The following RTN4RL1 variants were observed in gnomAD, a reference collection of about 807,000 sequenced individuals.
RTN4RL1 encodes the protein reticulon-4 receptor-like 1.
Under a neutral mutation model 25.6 loss-of-function variants are expected in RTN4RL1, and 7 were observed. The ratio of observed to expected loss-of-function variants is 0.27; its 90% CI spans 0.16 to 0.51. The LOEUF is 0.51. Among genes scored for constraint, RTN4RL1 ranks in the 20% least tolerant of loss-of-function variants. The pLI, the probability that RTN4RL1 is intolerant of heterozygous loss-of-function variation, is 0.97. For synonymous variants in RTN4RL1, 297 were observed against 288.2 expected (o/e 1.03, Z -0.31); for missense variants, 500 against 615.6 (o/e 0.81, Z 1.99).
intron 1 of RTN4RL1, among the ~76,000 whole-genome samples, chr17:1,941,040 G>A (rs1915428275): frequency 6.6e-6 from 1 of 152,188 alleles, no homozygotes; most frequent in African/African-American, 2.4e-5. Flanking sequence ...CATTTGCACA[G>A]CTTACTGGAG....
chr17:1,947,649 G>C (rs1915584199), intron 1 of RTN4RL1, among the ~76,000 whole-genome samples: 1 of 152,224 alleles, frequency 6.6e-6, no homozygotes. Context: ...GGCTGGGAAT[G>C]CCGTGCTAAT....
intron 1 of RTN4RL1, among the ~76,000 whole-genome samples, chr17:2,011,206 G>A (rs923129954): frequency 5.3e-5 from 8 of 152,088 alleles, no homozygotes; most frequent in African/African-American, 1.9e-4. Context: ...AGCCAAGATC[G>A]CGCCATTGCA....
intron 1 of RTN4RL1, among the ~76,000 whole-genome samples, chr17:1,968,370 G>C (rs1300548251): frequency 6.6e-6 from 1 of 152,082 alleles, no homozygotes; most frequent in Non-Finnish European, 1.5e-5. Flanking sequence ...GGTTCACCAA[G>C]TCCCATAGCT....
At chr17:1,942,558 C>T (rs956619520) in intron 1 of RTN4RL1, among the ~76,000 whole-genome samples, 3 of 152,156 alleles carry the variant, frequency 2.0e-5, no homozygotes, top group African/African-American at 7.2e-5. Context: ...GTTCCGTCAC[C>T]TCCTGGAGTA....
rs1403212386 is a variant in RTN4RL1, at chr17:1,956,922, T to G, written c.14-19114A>C. Among the ~76,000 whole-genome samples the G allele has an allele frequency of 3.9e-5, 6 of 151,944 alleles. No individual in the cohort carries two copies. In the East Asian group the frequency reaches 7.7e-4, roughly 20 times the overall value. On this transcript the variant is annotated intron_variant, in intron 1 of 1. Coordinates refer to ENST00000331238, the MANE Select transcript of RTN4RL1 (RefSeq NM_178568.4). Reference sequence around the variant, plus strand: ...CCACGCCCGGCTTTTGTATTTTGAGTACAGACGGGTTTTCACCATGTTGGC... The same window carrying G: ...CCACGCCCGGCTTTTGTATTTTGAGGACAGACGGGTTTTCACCATGTTGGC...
chr17:1,968,795 G>A (rs77198971), intron 1 of RTN4RL1, among the ~76,000 whole-genome samples: 11,285 of 152,270 alleles, frequency 0.074, 503 homozygotes, highest in Non-Finnish European at 0.099. Context: ...ACAGGCTAAG[G>A]GGATTGTCCC....
intron 1 of RTN4RL1, among the ~76,000 whole-genome samples, chr17:2,006,891 G>C (rs2067000229): frequency 6.6e-6 from 1 of 152,170 alleles, no homozygotes; most frequent in African/African-American, 2.4e-5. Context: ...CCAAAGTCCG[G>C]GGATTACAGG....
intron 1 of RTN4RL1, chr17:2,019,465 CA>C (rs1258122680): frequency 6.6e-6 from 1 of 152,244 alleles, no homozygotes. Flanking sequence ...AGCCTCATCC[CA>C]AAGACACGGC....
chr17:2,010,800 T>C (rs2067040537), intron 1 of RTN4RL1, among the ~76,000 whole-genome samples: 1 of 152,144 alleles, frequency 6.6e-6, no homozygotes, highest in South Asian at 2.1e-4. Context: ...TTTCCCAGAC[T>C]GGTCTTGAAA....
At chr17:1,944,424 A>T (rs966047320) in intron 1 of RTN4RL1, among the ~76,000 whole-genome samples, 1 of 151,976 alleles carries the variant, frequency 6.6e-6, no homozygotes, top group Non-Finnish European at 1.5e-5. Context: ...TCTCAGTCAG[A>T]CGCAGCGCCT....
In RTN4RL1 at chr17:1,977,278, T is replaced by C. The variant is rs534776923; in HGVS notation, c.14-39470A>G. On this transcript the variant is annotated intron_variant, in intron 1 of 1. Coordinates refer to ENST00000331238, the MANE Select transcript of RTN4RL1 (RefSeq NM_178568.4). ...TAGAGTCTGGGGAACACCCAGGCAA[T>C]AGAAAGGCAGAGTCAGGCCCGAGAG... Among the ~76,000 whole-genome samples the C allele has an allele frequency of 1.4e-4, 21 of 152,072 alleles. No individual in the cohort carries two copies. In the East Asian group the frequency reaches 3.9e-3, roughly 28 times the overall value.
chr17:1,941,340 C>T (rs948778948), intron 1 of RTN4RL1, among the ~76,000 whole-genome samples: 1 of 152,132 alleles, frequency 6.6e-6, no homozygotes, highest in Non-Finnish European at 1.5e-5. Context: ...GGGCTTGGTA[C>T]GTGGCTCGTG....
At chr17:2,003,978 G>A (rs2151323406) in intron 1 of RTN4RL1, among the ~76,000 whole-genome samples, 1 of 152,320 alleles carries the variant, frequency 6.6e-6, no homozygotes. Context: ...GGCTGAGGCA[G>A]GAGAATCACT....
chr17:2,002,254 T>TTCTTTTTTCTTTCTCTCTTTC (rs2066962986), intron 1 of RTN4RL1, among the ~76,000 whole-genome samples: 1 of 148,292 alleles, frequency 6.7e-6, no homozygotes, highest in African/African-American at 2.4e-5. Flanking sequence ...CCTCCCTCCT[T>TTCTTTTTTCTTTCTCTCTTTC]TCTTTTTTCT....
intron 1 of RTN4RL1, among the ~76,000 whole-genome samples, chr17:1,949,236 C>T (rs1915627529): frequency 6.6e-6 from 1 of 152,110 alleles, no homozygotes; most frequent in East Asian, 1.9e-4. Flanking sequence ...GCTGGGATTA[C>T]AGGCGTGAGC....
intron 1 of RTN4RL1, among the ~76,000 whole-genome samples, chr17:2,008,038 C>T (rs1042295707): frequency 2.0e-5 from 3 of 151,788 alleles, no homozygotes; most frequent in Admixed American, 6.6e-5. Context: ...TTTGGGAGGC[C>T]GAGGCGGGCG....
chr17:2,000,819 AG>A (rs1288194576), intron 1 of RTN4RL1, among the ~76,000 whole-genome samples: 2 of 151,632 alleles, frequency 1.3e-5, no homozygotes, highest in Non-Finnish European at 2.9e-5. Flanking sequence ...TGCAGCTGGC[AG>A]GGTTCTGGTT....
At chr17:1,970,770 C>A (rs938295490) in intron 1 of RTN4RL1, among the ~76,000 whole-genome samples, 1 of 152,186 alleles carries the variant, frequency 6.6e-6, no homozygotes, top group African/African-American at 2.4e-5. Context: ...CAGGCTCCTA[C>A]CACCCTGTTT....
intron 1 of RTN4RL1, among the ~76,000 whole-genome samples, chr17:1,941,273 A>G (rs1303521241): frequency 1.3e-5 from 2 of 152,226 alleles, no homozygotes; most frequent in Non-Finnish European, 2.9e-5. Flanking sequence ...AACAGGGGAC[A>G]CCAGGCAAGG....
Sources: allele counts gnomAD v4.1 joint callset (sites outside exome capture counted in the v4.1 genomes callset), GRCh38; gene constraint gnomAD v4.1.1; transcripts MANE v1.5; gene names NCBI Gene and HGNC (gene_info 2026-07-23, HGNC 2026-07-21).